RAB38: variants seen among roughly 807,000 people sequenced by gnomAD.
RAB38 encodes the protein ras-related protein Rab-38.
A neutral mutation model predicts 18.4 loss-of-function variants in RAB38; 15 were observed. The observed-to-expected ratio is 0.82, with a 90% CI of 0.55 to 1.26. The LOEUF (loss-of-function observed/expected upper bound fraction) is 1.26. Among genes scored for constraint, RAB38 ranks in the 50% most tolerant of loss-of-function variants. The pLI is 0.00. For missense variants in RAB38, 294 were observed against 267.4 expected (o/e 1.10, Z -0.69); for synonymous variants, 101 against 104.4 (o/e 0.97, Z 0.20).
chr11:87,942,135 A>G, the RAB38 span, among the ~76,000 whole-genome samples: 1 of 152,194 alleles, frequency 6.6e-6, no homozygotes, highest in East Asian at 1.9e-4. Flanking sequence ...TTTGCTCACC[A>G]TGAGCTGTGC....
chr11:88,025,460 A>G, the RAB38 span, among the ~76,000 whole-genome samples: 1 of 152,070 alleles, frequency 6.6e-6, no homozygotes, highest in Non-Finnish European at 1.5e-5. Flanking sequence ...TCTCTAACCT[A>G]CTTTCCACAG....
chr11:88,046,530 A>G, the RAB38 span, among the ~76,000 whole-genome samples: 2 of 152,166 alleles, frequency 1.3e-5, no homozygotes, highest in African/African-American at 2.4e-5. Context: ...TTAGCAAATT[A>G]CCTAGGCTGT....
the RAB38 span, among the ~76,000 whole-genome samples, chr11:87,938,125 A>G: frequency 6.6e-6 from 1 of 152,106 alleles, no homozygotes; most frequent in South Asian, 2.1e-4. Flanking sequence ...AAGTGAAGGT[A>G]AAAGTTCAGA....
chr11:88,008,011 A>G, the RAB38 span, among the ~76,000 whole-genome samples: 2 of 152,290 alleles, frequency 1.3e-5, no homozygotes, highest in African/African-American at 2.4e-5. Context: ...CCATGTATAT[A>G]AAATTCACAT....
chr11:87,867,777 C>G, the RAB38 span, among the ~76,000 whole-genome samples: 4 of 151,674 alleles, frequency 2.6e-5, no homozygotes, highest in Admixed American at 2.6e-4. Context: ...ATTGAATTAC[C>G]ATGGACTCTT....
chr11:87,919,218 C>T, the RAB38 span, among the ~76,000 whole-genome samples: 3 of 151,904 alleles, frequency 2.0e-5, no homozygotes, highest in Non-Finnish European at 4.4e-5. Flanking sequence ...TTGGTCTATG[C>T]ATCTGTTGAG....
chr11:87,948,321 T>G, the RAB38 span, among the ~76,000 whole-genome samples: 1 of 152,340 alleles, frequency 6.6e-6, no homozygotes, highest in African/African-American at 2.4e-5. Flanking sequence ...TTTCTAGATA[T>G]ACAACCATGT....
the RAB38 span, among the ~76,000 whole-genome samples, chr11:88,072,386 G>A: frequency 1.3e-5 from 2 of 151,470 alleles, no homozygotes; most frequent in Non-Finnish European, 2.9e-5. Flanking sequence ...TACAATAAAG[G>A]AACAAAAAAA....
Position 88,117,597 on chromosome 11 carries a change from A to G in RAB38, c.484-3457T>C, listed in dbSNP as rs941523767. On this transcript the variant is annotated intron_variant, in intron 2 of 2. Coordinates refer to ENST00000243662, the MANE Select transcript of RAB38 (RefSeq NM_022337.3). ...TTTAAGAGAAAGCCAGGAAGAACTG[A>G]AAATGCTTTTGACTATATTTACCAC... Among the ~76,000 whole-genome samples, 5 of 152,250 alleles carry G rather than the reference A, an allele frequency of 3.3e-5. No homozygotes were observed. In the East Asian group the frequency reaches 9.6e-4, roughly 29 times the overall value.
chr11:88,045,069 C>T, the RAB38 span, among the ~76,000 whole-genome samples: 1 of 152,288 alleles, frequency 6.6e-6, no homozygotes, highest in East Asian at 1.9e-4. Flanking sequence ...AGCATTTAGG[C>T]TCTTTTTCAT....
the RAB38 span, among the ~76,000 whole-genome samples, chr11:88,037,396 T>C: frequency 6.6e-6 from 1 of 152,148 alleles, no homozygotes; most frequent in African/African-American, 2.4e-5. Flanking sequence ...CAAAGAGCCC[T>C]AATTGTATTA....
the RAB38 span, among the ~76,000 whole-genome samples, chr11:88,073,409 A>C: frequency 6.6e-6 from 1 of 152,146 alleles, no homozygotes; most frequent in Admixed American, 6.5e-5. Flanking sequence ...TGGAGGCACT[A>C]TGATTGTTTA....
chr11:88,101,613 G>T, the RAB38 span, among the ~76,000 whole-genome samples: 3 of 151,710 alleles, frequency 2.0e-5, no homozygotes, highest in South Asian at 6.2e-4. Context: ...CATGAATTTT[G>T]CATTCATTTT....
the RAB38 span, among the ~76,000 whole-genome samples, chr11:87,939,372 A>G: frequency 3.5e-5 from 4 of 114,122 alleles, no homozygotes; most frequent in African/African-American, 1.4e-4. Flanking sequence ...GGTAACACAC[A>G]CATACATACA....
At chr11:87,818,098 G>C in the RAB38 span, among the ~76,000 whole-genome samples, 1 of 152,154 alleles carries the variant, frequency 6.6e-6, no homozygotes, top group East Asian at 1.9e-4. Context: ...TGAAGGTCTT[G>C]TTAAAATACA....
intron 1 of RAB38, among the ~76,000 whole-genome samples, chr11:88,152,095 C>T (rs1292065504): frequency 1.3e-5 from 2 of 152,096 alleles, no homozygotes. Flanking sequence ...CTGGTGCAAA[C>T]AGTGATCTCC....
chr11:87,977,603 T>C, the RAB38 span, among the ~76,000 whole-genome samples: 2 of 118,380 alleles, frequency 1.7e-5, no homozygotes, highest in Non-Finnish European at 3.2e-5. Context: ...TTATGTACTA[T>C]ACAATTATAT....
chr11:87,907,760 TA>T, the RAB38 span, among the ~76,000 whole-genome samples: 1 of 151,762 alleles, frequency 6.6e-6, no homozygotes, highest in African/African-American at 2.4e-5. Flanking sequence ...ATTATTTCCT[TA>T]GTAACTCATT....
the RAB38 span, among the ~76,000 whole-genome samples, chr11:87,847,448 G>A: frequency 0.25 from 38,140 of 151,894 alleles, 6,277 homozygotes; most frequent in African/African-American, 0.46. Flanking sequence ...CAAAATGAAA[G>A]AAAAAGCTGA....
Sources: gnomAD v4.1 joint callset for allele counts (sites outside exome capture counted in the v4.1 genomes callset) on GRCh38, gnomAD v4.1.1 for gene constraint, MANE v1.5 for transcripts, NCBI Gene and HGNC (gene_info 2026-07-23, HGNC 2026-07-21) for gene names.